Variants in FAM120A observed in about 807,000 individuals in gnomAD.
The protein encoded by FAM120A is constitutive coactivator of PPAR-gamma-like protein 1.
FAM120A carries 15 observed loss-of-function variants against 109.7 expected under a neutral mutation model. The observed-to-expected ratio is 0.14, with a 90% CI of 0.09 to 0.21. FAM120A has a LOEUF of 0.21. FAM120A is among the 10% of genes least tolerant of loss of function. The probability of loss-of-function intolerance (pLI) is 1.00; values close to 1 mark genes in which losing one functional copy is unlikely to be tolerated. For synonymous variants in FAM120A, 493 were observed against 572.8 expected (o/e 0.86, Z 1.99); for missense variants, 899 against 1,439.3 (o/e 0.62, Z 6.07).
intron 3 of FAM120A, among the ~76,000 whole-genome samples, chr9:93,482,490 C>T (rs1858863842): frequency 6.6e-6 from 1 of 152,178 alleles, no homozygotes; most frequent in Non-Finnish European, 1.5e-5. Context: ...TGTGCCTGGC[C>T]ATTCACCTCG....
chr9:93,483,668 C>T (rs896915966), intron 3 of FAM120A, among the ~76,000 whole-genome samples: 11 of 152,066 alleles, frequency 7.2e-5, no homozygotes, highest in African/African-American at 1.2e-4. Flanking sequence ...TTTGATCCTT[C>T]GAAGTGTAAT....
At chr9:93,551,690 T>C (rs1442687634) in intron 12 of FAM120A, among the ~76,000 whole-genome samples, 1 of 152,220 alleles carries the variant, frequency 6.6e-6, no homozygotes, top group African/African-American at 2.4e-5. Flanking sequence ...AATAAATTTC[T>C]AGTTTTCCCT....
At chr9:93,527,542 C>A (rs1861136834) in intron 8 of FAM120A, among the ~76,000 whole-genome samples, 1 of 151,420 alleles carries the variant, frequency 6.6e-6, no homozygotes, top group Middle Eastern at 3.2e-3. Flanking sequence ...ACTGAAAAGG[C>A]ACCGGGGATG....
chr9:93,533,159 T>C (rs1260681605), intron 10 of FAM120A, among the ~76,000 whole-genome samples: 2 of 152,220 alleles, frequency 1.3e-5, no homozygotes, highest in African/African-American at 4.8e-5. Flanking sequence ...AGATCATTCT[T>C]TGAGCCATGG....
chr9:93,490,283 GCT>G (rs1859256957), intron 3 of FAM120A, among the ~76,000 whole-genome samples: 1 of 152,194 alleles, frequency 6.6e-6, no homozygotes, highest in South Asian at 2.1e-4. Context: ...TAAATGAGCA[GCT>G]GAGAGACACT....
At chr9:93,537,862 G>T (rs1861572882) in intron 10 of FAM120A, among the ~76,000 whole-genome samples, 2 of 152,126 alleles carry the variant, frequency 1.3e-5, no homozygotes, top group Non-Finnish European at 2.9e-5. Context: ...CTGTTAATAA[G>T]TCTGTCTGAA....
chr9:93,483,382 GT>G (rs927875788), intron 3 of FAM120A, among the ~76,000 whole-genome samples: 12 of 147,490 alleles, frequency 8.1e-5, no homozygotes, highest in Admixed American at 2.0e-4. Flanking sequence ...CTGTTTGTTT[GT>G]TTTTTTTTTA....
At chr9:93,485,796 C>G (rs919911028) in intron 3 of FAM120A, among the ~76,000 whole-genome samples, 1 of 149,444 alleles carries the variant, frequency 6.7e-6, no homozygotes, top group African/African-American at 2.4e-5. Flanking sequence ...CTCTCCACTT[C>G]TTTCCCTCTA....
At chr9:93,467,245 C>CT (rs1858072621) in intron 1 of FAM120A, among the ~76,000 whole-genome samples, 3 of 38,306 alleles carry the variant, frequency 7.8e-5, no homozygotes, top group African/African-American at 1.1e-4. Context: ...GATCTGCTGT[C>CT]ACCCCCCCCC....
chr9:93,480,336 T>A (rs1858744470), intron 3 of FAM120A, among the ~76,000 whole-genome samples: 1 of 152,196 alleles, frequency 6.6e-6, no homozygotes, highest in Admixed American at 6.5e-5. Context: ...TATGTGTTAC[T>A]CCCTATTCCT....
Position 93,452,873 on chromosome 9 carries a change from G to A in FAM120A, c.474+484G>A. 1.4e-6 allele frequency: 2 copies of A among 1,458,964 alleles called. No homozygotes were observed. The highest frequency in any genetic ancestry group is 1.4e-5 in the African/African-American group (1 of 70,012). 90.4% of individuals were successfully genotyped at this position (1,458,964 alleles called of 1,614,324 possible). On this transcript the variant is annotated intron_variant, in intron 1 of 17. Transcript: ENST00000277165. This position sits in a 1 kb window ranked among gnomAD's most constrained non-coding sequence, Gnocchi z 7.0. ...GAGCCCTTGGGGGCTGCAAATATCA[G>A]TGCTGCTGCCGCCGCCCTTGCCAAT...
rs768552939 is a variant in FAM120A at position 93,505,051 on chromosome 9, G to GTTTT, written c.1030+6189_1030+6192dup. Among the ~76,000 whole-genome samples the GTTTT allele has an allele frequency of 9.1e-4, 74 of 81,320 alleles. 9 individuals carry two copies. The highest frequency in any genetic ancestry group is 1.2e-3 in the Non-Finnish European group (54 of 46,342). The allele number at this position is 81,320 out of a possible 152,430, so 53.3% of individuals were successfully genotyped here. A position where few individuals can be genotyped will look rare whatever the true frequency, so the allele number is the denominator to read the frequency against. ...ATGCTTGTTCATGTTGTTCGCTTGT[G>GTTTT]TTTTTTTTTTTTTTTTTTTTTTTTT... On this transcript the variant is annotated intron_variant, in intron 5 of 17. Transcript: ENST00000277165.
intron 3 of FAM120A, among the ~76,000 whole-genome samples, chr9:93,479,700 A>C (rs1414302510): frequency 6.6e-6 from 1 of 152,244 alleles, no homozygotes; most frequent in Non-Finnish European, 1.5e-5. Context: ...TGGCAGCACT[A>C]TGAATTTTTG....
intron 3 of FAM120A, among the ~76,000 whole-genome samples, chr9:93,480,876 G>A (rs1588814461): frequency 6.6e-6 from 1 of 152,236 alleles, no homozygotes; most frequent in African/African-American, 2.4e-5. Flanking sequence ...CACTGTTTGT[G>A]TTGCTCTGGG....
intron 1 of FAM120A, among the ~76,000 whole-genome samples, chr9:93,454,687 TC>T (rs912100230): frequency 6.6e-6 from 1 of 152,214 alleles, no homozygotes; most frequent in African/African-American, 2.4e-5. Context: ...CCTATGTACT[TC>T]CTTGGTCCCT....
At chr9:93,479,953 C>T (rs1034104504) in intron 3 of FAM120A, among the ~76,000 whole-genome samples, 17 of 152,296 alleles carry the variant, frequency 1.1e-4, no homozygotes, top group African/African-American at 4.1e-4. Context: ...ACTGTTAAAT[C>T]ATTGGGTAAT....
Position 93,497,567 on chromosome 9 carries a change from G to A in FAM120A, c.901G>A (p.Ala301Thr), listed in dbSNP as rs759789262. Residue 301 changes from alanine to threonine, a missense_variant, in exon 4 of 18, where the codon GCC (alanine) becomes ACC (threonine). Physicochemically the swap from Ala to Thr is moderately conservative, Grantham distance 58 (BLOSUM62 0). This residue lies in a region of FAM120A where 258 missense variants were observed against 451.4 expected (regional missense o/e 0.57). Coordinates refer to ENST00000277165, the MANE Select transcript of FAM120A (RefSeq NM_014612.5). ...CATTCAGGACACCTCTGACTTGGAT[G>A]CCATAGCTAAAGATGTTTTCCAGCA... is the stretch of plus-strand genomic sequence containing the variant. ...RNIQDTSDLD[A>T]IAKDVFQHSQ... The A allele has an allele frequency of 3.7e-6, 6 of 1,608,092 alleles. No homozygotes were observed. The South Asian group carries it at 5.6e-5, about 15-fold the overall frequency.
intron 1 of FAM120A, among the ~76,000 whole-genome samples, chr9:93,470,241 G>A (rs1288887007): frequency 1.3e-5 from 2 of 152,194 alleles, no homozygotes; most frequent in African/African-American, 4.8e-5. Context: ...AAACCTGCCA[G>A]AATTTTAGTT....
chr9:93,543,408 C>A lies in FAM120A; in HGVS notation c.2096C>A (p.Thr699Asn), dbSNP rs757291238. The change falls in exon 11 of 18, where the codon ACC becomes AAC. Residue 699 changes from threonine (T) to asparagine (N), a missense_variant. Coordinates refer to ENST00000277165, the MANE Select transcript of FAM120A (RefSeq NM_014612.5). ...RAFLACMRSD[T>N]PAMLNPANVP... Reference sequence around the variant, plus strand: ...TTCCTGGCCTGCATGAGGTCGGACACCCCAGCCATGCTCAACCCTGCCAAC... The same window carrying A: ...TTCCTGGCCTGCATGAGGTCGGACAACCCAGCCATGCTCAACCCTGCCAAC... The A allele has an allele frequency of 8.7e-6, 14 of 1,614,058 alleles. No individual in the cohort carries two copies. The highest frequency in any genetic ancestry group is 8.5e-7 in the Non-Finnish European group (1 of 1,180,040).
Sources: allele counts gnomAD v4.1 joint callset (sites outside exome capture counted in the v4.1 genomes callset), GRCh38; gene constraint gnomAD v4.1.1; regional missense constraint gnomAD v4.1.1; non-coding constraint Gnocchi (gnomAD v3.1); transcripts MANE v1.5; gene names NCBI Gene and HGNC (gene_info 2026-07-23, HGNC 2026-07-21).